Variants in NCALD observed in about 807,000 individuals in gnomAD.
The protein encoded by NCALD is neurocalcin delta, also known as neurocalcin-delta.
A neutral mutation model predicts 18.6 loss-of-function variants in NCALD; 10 were observed. The ratio of observed to expected loss-of-function variants is 0.54; its 90% confidence interval spans 0.33 to 0.91. The LOEUF (loss-of-function observed/expected upper bound fraction) is 0.91, where lower values mean the gene tolerates loss of function less well. NCALD is among the 40% of genes least tolerant of loss of function. The pLI is 0.03. For missense variants in NCALD, 184 were observed against 247.6 expected (o/e 0.74, Z 1.72); for synonymous variants, 88 against 87.4 (o/e 1.01, Z -0.04).
intron 1 of NCALD, among the ~76,000 whole-genome samples, chr8:102,062,525 T>C (rs1304334044): frequency 1.3e-5 from 2 of 152,210 alleles, no homozygotes; most frequent in Non-Finnish European, 2.9e-5. Context: ...TGTGCTCACA[T>C]GCTCCAGGGT....
chr8:101,909,652 C>G (rs894335532), intron 3 of NCALD, among the ~76,000 whole-genome samples: 4 of 152,174 alleles, frequency 2.6e-5, no homozygotes, highest in Non-Finnish European at 5.9e-5. Flanking sequence ...GAAAATGAGC[C>G]TCTGAAATTT....
chr8:101,742,666 T>G (rs1021515989), intron 1 of NCALD, among the ~76,000 whole-genome samples: 1 of 151,988 alleles, frequency 6.6e-6, no homozygotes, highest in Non-Finnish European at 1.5e-5. Flanking sequence ...TTACAAGGAT[T>G]TTTTTTTAAG....
intron 1 of NCALD, among the ~76,000 whole-genome samples, chr8:101,743,824 G>C (rs1810313522): frequency 6.6e-6 from 1 of 152,218 alleles, no homozygotes; most frequent in African/African-American, 2.4e-5. Flanking sequence ...TCTGAAATCT[G>C]CTCCTAATTG....
At chr8:101,774,440 A>G (rs945994003) in intron 1 of NCALD, among the ~76,000 whole-genome samples, 2 of 152,252 alleles carry the variant, frequency 1.3e-5, no homozygotes, top group African/African-American at 4.8e-5. Flanking sequence ...TTGAGGAGAA[A>G]AAAAAATCAC....
chr8:101,872,500 T>A, intron 4 of NCALD: 1 of 768,942 alleles, frequency 1.3e-6, no homozygotes. Flanking sequence ...TAAGATGCCC[T>A]TCTTGTCTAA....
intron 2 of NCALD, among the ~76,000 whole-genome samples, chr8:101,702,228 C>A (rs1245120292): frequency 6.6e-6 from 1 of 151,818 alleles, no homozygotes; most frequent in Non-Finnish European, 1.5e-5. Flanking sequence ...GTGATAGTGT[C>A]ATTCTTTTTT....
intron 4 of NCALD, among the ~76,000 whole-genome samples, chr8:101,807,312 T>C (rs1223392754): frequency 6.6e-6 from 1 of 152,158 alleles, no homozygotes; most frequent in East Asian, 1.9e-4. Context: ...ATATATATAA[T>C]TGTATATTGG....
At chr8:101,804,644 T>A (rs1251000533) in intron 4 of NCALD, among the ~76,000 whole-genome samples, 1 of 126,608 alleles carries the variant, frequency 7.9e-6, no homozygotes, top group African/African-American at 3.2e-5. Context: ...TTAACTATTA[T>A]ATATTAGTAT....
chr8:101,735,354 C>T (rs1030918767), intron 1 of NCALD, among the ~76,000 whole-genome samples: 24 of 152,058 alleles, frequency 1.6e-4, no homozygotes, highest in Admixed American at 1.3e-3. Context: ...TTACCAAGCC[C>T]GTAGAAAAAG....
intron 1 of NCALD, among the ~76,000 whole-genome samples, chr8:101,722,920 C>T (rs892866206): frequency 6.6e-6 from 1 of 152,214 alleles, no homozygotes; most frequent in East Asian, 1.9e-4. Flanking sequence ...AGTATGAGGA[C>T]TAAACTTGAG....
chr8:101,881,481 C>G (rs190771975), intron 4 of NCALD, among the ~76,000 whole-genome samples: 143 of 152,244 alleles, frequency 9.4e-4, no homozygotes, highest in Admixed American at 2.2e-3. Flanking sequence ...GACACAAGAG[C>G]AGCACTTTTT....
chr8:101,904,029 G>A (rs1817527615), intron 3 of NCALD, among the ~76,000 whole-genome samples: 1 of 152,170 alleles, frequency 6.6e-6, no homozygotes, highest in Admixed American at 6.5e-5. Context: ...AGCATAAATG[G>A]CCCTGATCCT....
At chr8:101,878,425 T>A (rs1313795020) in intron 4 of NCALD, among the ~76,000 whole-genome samples, 1 of 152,248 alleles carries the variant, frequency 6.6e-6, no homozygotes, top group Admixed American at 6.5e-5. Flanking sequence ...CTGAGCTGCA[T>A]AATAGAAAGC....
chr8:101,752,733 C>T (rs1810712920), intron 1 of NCALD, among the ~76,000 whole-genome samples: 1 of 152,200 alleles, frequency 6.6e-6, no homozygotes, highest in South Asian at 2.1e-4. Flanking sequence ...AAATAAGGTA[C>T]AGCCCTGCTC....
intron 1 of NCALD, among the ~76,000 whole-genome samples, chr8:102,080,460 T>C (rs1169212572): frequency 1.3e-5 from 2 of 152,204 alleles, no homozygotes; most frequent in Non-Finnish European, 2.9e-5. Context: ...TGCTGGCTCC[T>C]GGGCAAACTA....
chr8:101,968,139 AGGTT>A (rs1403179467), intron 2 of NCALD, among the ~76,000 whole-genome samples: 1 of 152,196 alleles, frequency 6.6e-6, no homozygotes, highest in Non-Finnish European at 1.5e-5. Flanking sequence ...ACAGACCTCC[AGGTT>A]TCTCTAAGCC....
chr8:101,918,545 C>T (rs1390200871), intron 2 of NCALD, among the ~76,000 whole-genome samples: 1 of 152,082 alleles, frequency 6.6e-6, no homozygotes, highest in East Asian at 1.9e-4. Context: ...AGAAATCAAA[C>T]TATATCTCTT....
intron 1 of NCALD, among the ~76,000 whole-genome samples, chr8:102,117,809 G>T (rs1271488298): frequency 6.6e-6 from 1 of 152,170 alleles, no homozygotes; most frequent in Non-Finnish European, 1.5e-5. Flanking sequence ...ACCACCTATT[G>T]ACAGCCAAGC....
chr8:101,940,956 C>CTTTT (rs1818934672), intron 2 of NCALD, among the ~76,000 whole-genome samples: 1 of 152,106 alleles, frequency 6.6e-6, no homozygotes, highest in Admixed American at 6.5e-5. Flanking sequence ...ATTAAGAATG[C>CTTTT]TTATTAAAAG....
Sources: gnomAD v4.1 joint callset for allele counts (sites outside exome capture counted in the v4.1 genomes callset) on GRCh38, gnomAD v4.1.1 for gene constraint, MANE v1.5 for transcripts, NCBI Gene and HGNC (gene_info 2026-07-23, HGNC 2026-07-21) for gene names.